SCAF11: variants seen among roughly 807,000 people sequenced by gnomAD.
SCAF11 encodes the protein protein SCAF11.
Under a neutral mutation model 140.5 loss-of-function variants are expected in SCAF11, and 47 were observed. The ratio of observed to expected loss-of-function variants is 0.33; its 90% CI spans 0.26 to 0.43. The LOEUF (loss-of-function observed/expected upper bound fraction) is 0.43. Among genes scored for constraint, SCAF11 ranks in the 20% least tolerant of loss-of-function variants. SCAF11 has a pLI of 1.00. For synonymous variants in SCAF11, 557 were observed against 579.4 expected (o/e 0.96, Z 0.55); for missense variants, 1,645 against 1,705.1 (o/e 0.96, Z 0.62).
At chr12:45,947,753 T>C (rs1464719310) in intron 5 of SCAF11, among the ~76,000 whole-genome samples, 3 of 152,218 alleles carry the variant, frequency 2.0e-5, no homozygotes, top group African/African-American at 7.2e-5. Flanking sequence ...CATAGCTCAC[T>C]GCAGCCTCAG....
intron 1 of SCAF11, among the ~76,000 whole-genome samples, chr12:45,976,865 A>G (rs1262167585): frequency 2.0e-5 from 3 of 152,134 alleles, no homozygotes. Flanking sequence ...GAAATTGGAA[A>G]CAGAAAAACA....
chr12:45,928,659 C>T lies in SCAF11; in HGVS notation c.1042G>A (p.Ala348Thr), dbSNP rs775999041. The change falls in exon 11 of 15, where the codon GCC (alanine) becomes ACC (threonine). Residue 348 changes from alanine (A) to threonine (T), a missense_variant. Around this residue, in one of 2 missense-constraint regions of SCAF11, gnomAD observed 1,582 missense variants for 1,609.2 expected, o/e 0.98. Transcript: ENST00000369367. ...SPISDNSGCDAPGNSNPSLSV... is the reference protein window; with the variant it reads ...SPISDNSGCDTPGNSNPSLSV... ...AAAGATGGATTACTGTTACCTGGGG[C>T]ATCACACCCAGAATTGTCTGATATT... The T allele has an allele frequency of 8.1e-6, 13 of 1,613,960 alleles. No homozygotes were observed. Among genetic ancestry groups the T allele is most frequent in the Admixed American group, 6.7e-5 (4 of 59,982 alleles).
At chr12:45,934,045 A>G in intron 8 of SCAF11, 131 bp downstream of exon 8, 1 of 558,360 alleles carries the variant, frequency 1.8e-6, no homozygotes, top group Non-Finnish European at 3.1e-6. Context: ...CCGCCCAAAA[A>G]AAAACTAAAG....
At chr12:45,937,035 G>GT (rs566002638) in intron 6 of SCAF11, among the ~76,000 whole-genome samples, 15 of 151,860 alleles carry the variant, frequency 9.9e-5, no homozygotes, top group Non-Finnish European at 2.1e-4. Flanking sequence ...ACTTTATGAA[G>GT]TATTTGGTAT....
chr12:45,965,797 A>C (rs1324414626), intron 1 of SCAF11, among the ~76,000 whole-genome samples: 5 of 152,236 alleles, frequency 3.3e-5, no homozygotes, highest in African/African-American at 4.8e-5. Flanking sequence ...TAGTTTCTAC[A>C]TTAAAGGTAT....
intron 1 of SCAF11, among the ~76,000 whole-genome samples, chr12:45,985,584 C>T (rs1291245823): frequency 6.6e-6 from 1 of 152,156 alleles, no homozygotes; most frequent in African/African-American, 2.4e-5. Flanking sequence ...TTCTCCAGAG[C>T]CCCAGACTCA....
chr12:45,929,999 T>C (rs1371733259), intron 10 of SCAF11: 1 of 152,218 alleles, frequency 6.6e-6, no homozygotes, highest in African/African-American at 2.4e-5. Flanking sequence ...TGAATTAATA[T>C]ATTTTTTATG....
At chr12:45,980,595 C>T (rs774848735) in intron 1 of SCAF11, among the ~76,000 whole-genome samples, 5 of 152,124 alleles carry the variant, frequency 3.3e-5, no homozygotes, top group African/African-American at 4.8e-5. Flanking sequence ...TGACACTAAA[C>T]GGCCTAATAC....
At chr12:45,962,506 A>C (rs746004052) in intron 2 of SCAF11, among the ~76,000 whole-genome samples, 23 of 152,228 alleles carry the variant, frequency 1.5e-4, no homozygotes, top group Non-Finnish European at 3.1e-4. Flanking sequence ...TAGGATTTGT[A>C]CTACTTTAAA....
chr12:45,941,827 G>A lies in SCAF11; in HGVS notation c.463+3422C>T, dbSNP rs567036318. On this transcript the variant is annotated intron_variant, in intron 6 of 14. Coordinates refer to ENST00000369367, the MANE Select transcript of SCAF11 (RefSeq NM_004719.3). ...GAACAACATGTGTTTGAACTCCATGGGTCTGCTTATTCATGAATGTTTTTC... is the reference window on the plus strand; with the variant it reads ...GAACAACATGTGTTTGAACTCCATGAGTCTGCTTATTCATGAATGTTTTTC... 7.6e-4 allele frequency among the ~76,000 whole-genome samples: 116 copies of A among 152,178 alleles called. 4 individuals are homozygous for A. The South Asian group carries it at 0.022, about 29-fold the overall frequency.
In SCAF11 at chr12:45,919,842, C is replaced by T. The variant is rs1592156965; in HGVS notation, c.*2206G>A. ...TCACTTTTTCTCCAAAACTTTAGAA[C>T]TTGTTTGCAAAAGCTAAATGGTATA... is the stretch of plus-strand genomic sequence containing the variant. On this transcript the variant is annotated 3_prime_UTR_variant, in exon 15 of 15. Transcript: ENST00000369367. 2 of 152,286 alleles carry T rather than the reference C, an allele frequency of 1.3e-5. No individual in the cohort carries two copies. The highest frequency in any genetic ancestry group is 1.5e-5 in the Non-Finnish European group (1 of 68,008). The allele number at this position is 152,286 out of a possible 1,614,324, so 9.4% of individuals were successfully genotyped here.
rs115895989 is a variant in SCAF11, at chr12:45,989,984, C to A, written c.-22+369G>T. On this transcript the variant is annotated intron_variant, in intron 1 of 14. Coordinates refer to ENST00000369367, the MANE Select transcript of SCAF11 (RefSeq NM_004719.3). Reference sequence around the variant, plus strand: ...CTGGCGTGGAGCCCCTTCCCCCCCCCCCGTAGGACCCTGCACCCGGACGGG... The same window carrying A: ...CTGGCGTGGAGCCCCTTCCCCCCCCACCGTAGGACCCTGCACCCGGACGGG... Among the ~76,000 whole-genome samples the A allele has an allele frequency of 6.2e-3, 944 of 151,956 alleles. 17 individuals are homozygous for A. The highest frequency in any genetic ancestry group is 0.021 in the African/African-American group (861 of 41,404).
chr12:45,986,671 T>A (rs987993454), intron 1 of SCAF11, among the ~76,000 whole-genome samples: 6 of 152,222 alleles, frequency 3.9e-5, no homozygotes, highest in African/African-American at 1.4e-4. Flanking sequence ...TGAATTGTAT[T>A]CCCATAATTC....
At chr12:45,940,876 C>T (rs1945280786) in intron 6 of SCAF11, among the ~76,000 whole-genome samples, 1 of 152,192 alleles carries the variant, frequency 6.6e-6, no homozygotes, top group Non-Finnish European at 1.5e-5. Flanking sequence ...GATCATGACT[C>T]ACCTGCAGCC....
rs1218554742 is a variant in SCAF11 at position 45,922,919 on chromosome 12, C to G, written c.4125+17G>C. 6.2e-7 allele frequency: 1 copy of G among 1,604,462 alleles called. No homozygotes were observed. The highest frequency in any genetic ancestry group is 2.2e-5 in the East Asian group (1 of 44,826). Reference sequence around the variant, plus strand: ...CATATACAGAATTATGAAGGTTGCTCTCAACCTTGAACTTGCCTTGTCTGT... The same window carrying G: ...CATATACAGAATTATGAAGGTTGCTGTCAACCTTGAACTTGCCTTGTCTGT... On this transcript the variant is annotated intron_variant, in intron 13 of 14. Coordinates refer to ENST00000369367, the MANE Select transcript of SCAF11 (RefSeq NM_004719.3).
intron 11 of SCAF11, among the ~76,000 whole-genome samples, chr12:45,925,415 C>G (rs941950932): frequency 6.6e-6 from 1 of 151,962 alleles, no homozygotes; most frequent in African/African-American, 2.4e-5. Flanking sequence ...ATTAGCCAGG[C>G]GTGGTGGTGA....
Position 45,922,213 on chromosome 12 carries a change from G to T in SCAF11, c.4246-19C>A, listed in dbSNP as rs752376610. 1.9e-6 allele frequency: 3 copies of T among 1,584,804 alleles called. No homozygotes were observed. Among genetic ancestry groups the T allele is most frequent in the Non-Finnish European group, 2.6e-6 (3 of 1,172,312 alleles). ...GACAAACCTAAGAAAAAAGGGGTGG[G>T]GGGTAAACTTTTTTCATGCTTAAAG... On this transcript the variant is annotated intron_variant, in intron 14 of 14. Transcript: ENST00000369367.
At chr12:45,989,982 C>A (rs868312859) in intron 1 of SCAF11, among the ~76,000 whole-genome samples, 14 of 151,910 alleles carry the variant, frequency 9.2e-5, no homozygotes, top group East Asian at 3.9e-4. Flanking sequence ...CCTTCCCCCC[C>A]CCCCGTAGGA....
intron 1 of SCAF11, among the ~76,000 whole-genome samples, chr12:45,989,444 G>A (rs1946538196): frequency 1.3e-5 from 2 of 152,152 alleles, no homozygotes; most frequent in Non-Finnish European, 2.9e-5. Flanking sequence ...CAGTCAGCTG[G>A]TAGACACTGT....
Sources: gnomAD v4.1 joint callset for allele counts (sites outside exome capture counted in the v4.1 genomes callset) on GRCh38, gnomAD v4.1.1 for gene constraint, gnomAD v4.1.1 regional missense constraint, MANE v1.5 for transcripts, NCBI Gene and HGNC (gene_info 2026-07-23, HGNC 2026-07-21) for gene names.